TMEM232: variants seen among roughly 807,000 people sequenced by gnomAD.
TMEM232 encodes transmembrane protein 232.
Under a neutral mutation model 78.8 loss-of-function variants are expected in TMEM232, and 80 were observed. The observed-to-expected ratio is 1.01, with a 90% CI of 0.85 to 1.22. The LOEUF is 1.22. TMEM232 is among the 50% of genes most tolerant of loss of function. The pLI, the probability that TMEM232 is intolerant of heterozygous loss-of-function variation, is 0.00. For missense variants in TMEM232, 881 were observed against 742.2 expected (o/e 1.19, Z -2.17); for synonymous variants, 297 against 254.3 (o/e 1.17, Z -1.60).
intron 5 of TMEM232, among the ~76,000 whole-genome samples, chr5:110,636,202 A>G (rs762910547): frequency 1.3e-5 from 2 of 152,044 alleles, no homozygotes; most frequent in African/African-American, 2.4e-5. Flanking sequence ...TGTGGAAGCT[A>G]AAAGACTTGC....
At chr5:110,622,328 T>C (rs1373602737) in intron 7 of TMEM232, among the ~76,000 whole-genome samples, 1 of 152,202 alleles carries the variant, frequency 6.6e-6, no homozygotes, top group African/African-American at 2.4e-5. Flanking sequence ...GAACTATTTG[T>C]ACTTCAGAAC....
rs566374746 is a variant in TMEM232 at position 110,640,968 on chromosome 5, G to A, written c.266C>T (p.Ser89Phe). The stretch of plus-strand genomic sequence containing the variant: ...AGCAGGAAGATGCACATGCCTTCCA[G>A]AGCCCAGGGTTTTGAGACCCAATTT... ...KRKLGLKTLG[S>F]GRHVHLPAAW... The change falls in exon 4 of 14, where the codon TCT becomes TTT. Residue 89 changes from serine to phenylalanine, a missense_variant. By Grantham distance (155) the Ser-to-Phe change is radical (BLOSUM62 -2). Transcript: ENST00000455884. The A allele has an allele frequency of 7.1e-5, 109 of 1,537,046 alleles. No homozygotes were observed. The African/African-American group carries it at 1.1e-3, about 16-fold the overall frequency.
At chr5:110,509,420 G>T (rs574560971) in intron 12 of TMEM232, among the ~76,000 whole-genome samples, 3 of 152,032 alleles carry the variant, frequency 2.0e-5, no homozygotes, top group African/African-American at 7.2e-5. Context: ...GGGCAATAGA[G>T]CAAGACCATA....
chr5:110,592,564 C>T (rs186541273), intron 10 of TMEM232, among the ~76,000 whole-genome samples: 10 of 152,122 alleles, frequency 6.6e-5, no homozygotes, highest in Non-Finnish European at 1.3e-4. Context: ...ATTTGTCCAC[C>T]GTGTTGAGAA....
intron 11 of TMEM232, among the ~76,000 whole-genome samples, chr5:110,555,335 T>G (rs993833077): frequency 1.3e-5 from 2 of 152,214 alleles, no homozygotes; most frequent in Non-Finnish European, 2.9e-5. Context: ...AGAGATTTTC[T>G]TGGTATTGAT....
chr5:110,634,822 TAGA>T (rs1468617771), intron 5 of TMEM232, among the ~76,000 whole-genome samples: 4 of 151,872 alleles, frequency 2.6e-5, no homozygotes, highest in Non-Finnish European at 4.4e-5. Flanking sequence ...TCAAAATTAG[TAGA>T]AGATGACAAA....
chr5:110,506,701 G>C (rs1304785462), intron 12 of TMEM232, among the ~76,000 whole-genome samples: 2 of 152,128 alleles, frequency 1.3e-5, no homozygotes, highest in East Asian at 3.9e-4. Flanking sequence ...CAGCAACAGA[G>C]CATATAAACA....
intron 5 of TMEM232, among the ~76,000 whole-genome samples, chr5:110,630,698 C>G: frequency 6.6e-6 from 1 of 152,098 alleles, no homozygotes; most frequent in African/African-American, 2.4e-5. Context: ...ATATTAAACC[C>G]CTTTTCTTCA....
intron 1 of TMEM232, among the ~76,000 whole-genome samples, chr5:110,676,401 C>CT (rs369628739): frequency 0.015 from 2,120 of 141,764 alleles, 51 homozygotes; most frequent in African/African-American, 0.046. Flanking sequence ...GTTCCCTTTT[C>CT]TTTTTTTTTT....
chr5:110,661,918 A>G (rs375473538), intron 2 of TMEM232, among the ~76,000 whole-genome samples: 3 of 151,986 alleles, frequency 2.0e-5, no homozygotes, highest in Non-Finnish European at 2.9e-5. Flanking sequence ...ATTTTTTCAT[A>G]TATCTGTTGG....
chr5:110,558,163 T>A (rs894867792), intron 11 of TMEM232, among the ~76,000 whole-genome samples: 1 of 152,146 alleles, frequency 6.6e-6, no homozygotes. Flanking sequence ...ACCTGCTGTG[T>A]TGGAGTGGCC....
At chr5:110,644,778 G>A (rs1179212919) in intron 2 of TMEM232, among the ~76,000 whole-genome samples, 1 of 150,440 alleles carries the variant, frequency 6.6e-6, no homozygotes, top group Admixed American at 6.6e-5. Context: ...ATAAATTAAA[G>A]AATAAAAAAC....
At position 110,592,716 on chromosome 5, in the gene TMEM232, A is replaced by T. The variant is rs117792205; in HGVS notation, c.1276+12393T>A. Among the ~76,000 whole-genome samples the T allele has an allele frequency of 4.8e-4, 73 of 152,224 alleles. No individual in the cohort carries two copies. The East Asian group carries it at 0.011, about 23-fold the overall frequency. On this transcript the variant is annotated intron_variant, in intron 10 of 13. Coordinates refer to ENST00000455884, the MANE Select transcript of TMEM232 (RefSeq NM_001039763.4). ...AAAAGCTATCCATTTCCTCTAAACC[A>T]CTTGTGAATGTACAAAGGGCAATTT...
intron 1 of TMEM232, chr5:110,720,442 A>G (rs987686213): frequency 5.3e-5 from 8 of 152,120 alleles, no homozygotes; most frequent in Admixed American, 1.3e-4. Context: ...GCCCCTACTA[A>G]TAAGATACAG....
Position 110,648,458 on chromosome 5 carries a change from A to G in TMEM232, c.126-6087T>C, listed in dbSNP as rs115258691. Among the ~76,000 whole-genome samples, 971 of 152,232 alleles carry G rather than the reference A, an allele frequency of 6.4e-3. 6 individuals are homozygous for G. The highest frequency in any genetic ancestry group is 8.6e-3 in the Non-Finnish European group (582 of 67,988). On this transcript the variant is annotated intron_variant, in intron 2 of 13. Transcript: ENST00000455884. ...CCAGGGAACATGTATAAGAATGGTC[A>G]CAGCAACGTTTTTCATAAGGGATAA...
intron 12 of TMEM232, among the ~76,000 whole-genome samples, chr5:110,441,726 G>A (rs1036932851): frequency 6.6e-6 from 1 of 152,158 alleles, no homozygotes; most frequent in African/African-American, 2.4e-5. Context: ...AATGGAATGA[G>A]GATGGACTTT....
At chr5:110,455,688 T>C (rs920251803) in intron 12 of TMEM232, among the ~76,000 whole-genome samples, 1 of 152,124 alleles carries the variant, frequency 6.6e-6, no homozygotes, top group African/African-American at 2.4e-5. Context: ...CATGTAGATA[T>C]AAACTTTTAA....
intron 1 of TMEM232, among the ~76,000 whole-genome samples, chr5:110,705,333 T>A (rs1795818995): frequency 6.6e-6 from 1 of 152,156 alleles, no homozygotes; most frequent in South Asian, 2.1e-4. Flanking sequence ...GTTGGGAATG[T>A]ATTTAATAAA....
intron 1 of TMEM232, among the ~76,000 whole-genome samples, chr5:110,705,763 C>CGTGT (rs139138961): frequency 2.9e-4 from 36 of 125,488 alleles, no homozygotes; most frequent in African/African-American, 9.7e-4. Flanking sequence ...TATGTGTGTG[C>CGTGT]GTGTGTGTGT....
Sources: gnomAD v4.1 joint callset for allele counts (sites outside exome capture counted in the v4.1 genomes callset) on GRCh38, gnomAD v4.1.1 for gene constraint, MANE v1.5 for transcripts, NCBI Gene and HGNC (gene_info 2026-07-23, HGNC 2026-07-21) for gene names.